TRPM7: variants seen among roughly 807,000 people sequenced by gnomAD.
TRPM7 encodes the protein LTRPC ion channel family member 7.
Under a neutral mutation model 229.7 loss-of-function variants are expected in TRPM7, and 134 were observed. That is an observed-to-expected ratio of 0.58 (90% confidence interval 0.51 to 0.67). TRPM7 has a LOEUF of 0.67. TRPM7 is among the 30% of genes least tolerant of loss of function. The pLI, the probability that TRPM7 is intolerant of heterozygous loss-of-function variation, is 0.00. For synonymous variants in TRPM7, 699 were observed against 715.2 expected (o/e 0.98, Z 0.36); for missense variants, 1,901 against 2,210.0 (o/e 0.86, Z 2.80).
chr15:50,654,562 G>T (rs541634469), intron 3 of TRPM7, among the ~76,000 whole-genome samples: 3 of 151,596 alleles, frequency 2.0e-5, no homozygotes, highest in African/African-American at 7.2e-5. Context: ...TCTAATGCAG[G>T]TATTATAAAT....
In TRPM7 at chr15:50,567,940, G is replaced by A. The variant is rs552745072; in HGVS notation, c.5467+1947C>T. On this transcript the variant is annotated intron_variant, in intron 38 of 38. Coordinates refer to ENST00000646667, the MANE Select transcript of TRPM7 (RefSeq NM_017672.6). ...AAATACAAAAAAAAATTAGCCGGGC[G>A]CGGTGGCAGGCGCCTGTAGTCCCAG... Among the ~76,000 whole-genome samples the A allele has an allele frequency of 4.0e-4, 60 of 151,880 alleles. 1 individual carries two copies. The highest frequency in any genetic ancestry group is 5.3e-4 in the Non-Finnish European group (36 of 67,906).
rs79881122 is a variant in TRPM7 at position 50,660,901 on chromosome 15, A to G, written c.83+2066T>C. ...TAAATTTTAAATGGCTAAAAATCGAAAACAACTAAATTGACCAATAGTAGA... is the reference window on the plus strand; with the variant it reads ...TAAATTTTAAATGGCTAAAAATCGAGAACAACTAAATTGACCAATAGTAGA... On this transcript the variant is annotated intron_variant, in intron 2 of 38. Coordinates refer to ENST00000646667, the MANE Select transcript of TRPM7 (RefSeq NM_017672.6). 2.6e-3 allele frequency among the ~76,000 whole-genome samples: 398 copies of G among 152,354 alleles called. 1 individual carries two copies. Among genetic ancestry groups the G allele is most frequent in the African/African-American group, 9.3e-3 (388 of 41,590 alleles).
chr15:50,678,069 C>T (rs1400014458), intron 1 of TRPM7, among the ~76,000 whole-genome samples: 1 of 147,928 alleles, frequency 6.8e-6, no homozygotes, highest in Non-Finnish European at 1.5e-5. Flanking sequence ...GAAACCACGT[C>T]TCTACTAAAA....
intron 22 of TRPM7, among the ~76,000 whole-genome samples, chr15:50,597,396 A>G (rs1374362467): frequency 6.6e-6 from 1 of 152,258 alleles, no homozygotes; most frequent in Non-Finnish European, 1.5e-5. Context: ...TTTAAAAAGT[A>G]TATGCATCAA....
chr15:50,636,162 T>C (rs925527890), intron 7 of TRPM7, among the ~76,000 whole-genome samples: 30 of 151,400 alleles, frequency 2.0e-4, no homozygotes, highest in African/African-American at 7.0e-4. Flanking sequence ...AAAAAAGGTA[T>C]CTGTAGGACT....
intron 3 of TRPM7, 75 bp from the exon 4 acceptor site, chr15:50,648,960 G>T: frequency 8.6e-7 from 1 of 1,169,260 alleles, no homozygotes; most frequent in Non-Finnish European, 1.2e-6. Context: ...AAAAGTGAAT[G>T]AACCGACAAA....
chr15:50,602,743 G>C (rs1347767181), intron 21 of TRPM7, among the ~76,000 whole-genome samples: 2 of 152,130 alleles, frequency 1.3e-5, no homozygotes, highest in Non-Finnish European at 2.9e-5. Flanking sequence ...ACGAAATAAT[G>C]AATGTTAGAA....
intron 1 of TRPM7, among the ~76,000 whole-genome samples, chr15:50,684,818 AC>A (rs2062322037): frequency 6.6e-6 from 1 of 152,184 alleles, no homozygotes; most frequent in South Asian, 2.1e-4. Context: ...GGTACTAGAG[AC>A]TGAAAGAGTT....
At chr15:50,572,096 C>T (rs995715666) in intron 36 of TRPM7, among the ~76,000 whole-genome samples, 1 of 152,110 alleles carries the variant, frequency 6.6e-6, no homozygotes, top group African/African-American at 2.4e-5. Flanking sequence ...TAGCCTGACC[C>T]ACCTAGTTAG....
rs1193594963 is a variant in TRPM7, at chr15:50,648,721, T to C, written c.287A>G (p.Asn96Ser). Residue 96 changes from asparagine to serine, a missense_variant, in exon 4 of 39, where the codon AAT (asparagine) becomes AGT (serine). Around this residue, in one of 8 missense-constraint regions of TRPM7, gnomAD observed 794 missense variants for 881.9 expected, o/e 0.90. Coordinates refer to ENST00000646667, the MANE Select transcript of TRPM7 (RefSeq NM_017672.6). ...QSPTDAYGVINFQGGSHSYRA... is the reference protein window; with the variant it reads ...QSPTDAYGVISFQGGSHSYRA... ...GTAGGAATGAGAACCCCCTTGAAAATTTATGACTCCATAAGCATCCGTTGG... is the reference window on the plus strand; with the variant it reads ...GTAGGAATGAGAACCCCCTTGAAAACTTATGACTCCATAAGCATCCGTTGG... 3 of 1,610,100 alleles carry C rather than the reference T, an allele frequency of 1.9e-6. No homozygotes were observed. In the Admixed American group the frequency reaches 5.0e-5, roughly 27 times the overall value.
chr15:50,670,558 T>C (rs2140952290), intron 1 of TRPM7, among the ~76,000 whole-genome samples: 1 of 152,212 alleles, frequency 6.6e-6, no homozygotes, highest in Non-Finnish European at 1.5e-5. Flanking sequence ...AGTTTACAGA[T>C]GCCATGGCAA....
chr15:50,624,758 C>T (rs1473574320), intron 11 of TRPM7, among the ~76,000 whole-genome samples: 3 of 150,014 alleles, frequency 2.0e-5, no homozygotes, highest in Non-Finnish European at 3.0e-5. Flanking sequence ...ATCCCGCATC[C>T]CACACAACTT....
In TRPM7 at chr15:50,561,555, A is replaced by G. The variant is rs2053311324; in HGVS notation, c.*123T>C. ...AATATTGACCTTTTAACTGTGCTGG[A>G]GTCAGCAAATTCAACTTGCATACAC... On this transcript the variant is annotated 3_prime_UTR_variant, in exon 39 of 39. Coordinates refer to ENST00000646667, the MANE Select transcript of TRPM7 (RefSeq NM_017672.6). 2.8e-6 allele frequency: 3 copies of G among 1,075,804 alleles called. No homozygotes were observed. Among genetic ancestry groups the G allele is most frequent in the South Asian group, 3.0e-5 (2 of 66,982 alleles). The allele number at this position is 1,075,804 out of a possible 1,614,324, so 66.6% of individuals were successfully genotyped here. A position where few individuals can be genotyped will look rare whatever the true frequency, so the allele number is the denominator to read the frequency against.
chr15:50,584,941 T>C (rs1280408260), intron 28 of TRPM7, among the ~76,000 whole-genome samples: 1 of 152,160 alleles, frequency 6.6e-6, no homozygotes, highest in Non-Finnish European at 1.5e-5. Context: ...AGTCGCGCTA[T>C]CTTGGCTCAC....
chr15:50,591,639 G>C (rs1307246103), intron 26 of TRPM7, among the ~76,000 whole-genome samples: 1 of 152,038 alleles, frequency 6.6e-6, no homozygotes, highest in African/African-American at 2.4e-5. Flanking sequence ...TGGGACTTCA[G>C]GCACATGCCA....
chr15:50,612,750 C>G lies in TRPM7; in HGVS notation c.1850G>C (p.Arg617Pro). The change falls in exon 16 of 39, where the codon CGC becomes CCC. Residue 617 changes from arginine to proline, a missense_variant. By Grantham distance (103) the Arg-to-Pro change is moderately radical. This residue lies in a region of TRPM7 where 794 missense variants were observed against 881.9 expected (regional missense o/e 0.90). Coordinates refer to ENST00000646667, the MANE Select transcript of TRPM7 (RefSeq NM_017672.6). ...IVDIDDPETK[R>P]FPYPLNELLI... ...AAGTTCATTAAGTGGATAAGGAAAG[C>G]GCTTGGTTTCTGGATCATCAATGTC... 2.5e-6 allele frequency: 4 copies of G among 1,614,110 alleles called. No individual in the cohort carries two copies. Among genetic ancestry groups the G allele is most frequent in the Non-Finnish European group, 3.4e-6 (4 of 1,180,022 alleles).
intron 13 of TRPM7, among the ~76,000 whole-genome samples, chr15:50,618,521 G>C (rs1004967516): frequency 1.3e-5 from 2 of 151,738 alleles, no homozygotes; most frequent in Non-Finnish European, 2.9e-5. Context: ...AGTGAGCCAA[G>C]ATCACGCCAC....
chr15:50,573,670 G>A (rs931382882), intron 36 of TRPM7, among the ~76,000 whole-genome samples: 40 of 152,058 alleles, frequency 2.6e-4, no homozygotes, highest in Non-Finnish European at 4.4e-5. Context: ...TTAAAGAAAC[G>A]GTCTTTATAC....
intron 7 of TRPM7, among the ~76,000 whole-genome samples, chr15:50,636,997 G>A (rs533772425): frequency 2.0e-5 from 3 of 152,154 alleles, no homozygotes; most frequent in East Asian, 1.9e-4. Context: ...ATGGTAGCGG[G>A]CACCTGTAGT....
Sources: gnomAD v4.1 joint callset for allele counts (sites outside exome capture counted in the v4.1 genomes callset) on GRCh38, gnomAD v4.1.1 for gene constraint, gnomAD v4.1.1 regional missense constraint, MANE v1.5 for transcripts, NCBI Gene and HGNC (gene_info 2026-07-23, HGNC 2026-07-21) for gene names.